The following SKP2 variants were observed in gnomAD, a reference collection of about 807,000 sequenced individuals.
SKP2 encodes the protein S-phase kinase-associated protein 2.
In SKP2, 16 loss-of-function variants were observed where a neutral mutation model predicts 51.8. That is an observed-to-expected ratio of 0.31 (90% confidence interval 0.21 to 0.47). The LOEUF (loss-of-function observed/expected upper bound fraction) is 0.47, where lower values mean the gene tolerates loss of function less well. Among genes scored for constraint, SKP2 ranks in the 20% least tolerant of loss-of-function variants. The pLI, the probability that SKP2 is intolerant of heterozygous loss-of-function variation, is 1.00. For missense variants in SKP2, 377 were observed against 505.3 expected, an observed-to-expected ratio of 0.75 and a Z score of 2.43; for synonymous variants, 176 against 198.6, an observed-to-expected ratio of 0.89 and a Z score of 0.96.
chr5:36,165,360 G>A (rs1745250739), intron 3 of SKP2, among the ~76,000 whole-genome samples: 1 of 152,116 alleles, frequency 6.6e-6, no homozygotes, highest in Non-Finnish European at 1.5e-5. Flanking sequence ...TCTGTGAGGT[G>A]TTCATCTTCC....
At chr5:36,158,665 C>T (rs990392028) in intron 2 of SKP2, among the ~76,000 whole-genome samples, 3 of 152,222 alleles carry the variant, frequency 2.0e-5, no homozygotes, top group Non-Finnish European at 4.4e-5. Flanking sequence ...TTAATTCTCA[C>T]CTTTTCAAAA....
chr5:36,176,951 T>C lies in SKP2; in HGVS notation c.902-14T>C. ...CATTTAATAGTGACCATCATGTTTTTTTGCTTTTCCTAGATCTCTCTACTT... is the reference window on the plus strand; with the variant it reads ...CATTTAATAGTGACCATCATGTTTTCTTGCTTTTCCTAGATCTCTCTACTT... On this transcript the variant is annotated splice_polypyrimidine_tract_variant and intron_variant, in intron 7 of 9. Coordinates refer to ENST00000274255, the MANE Select transcript of SKP2 (RefSeq NM_005983.4). 2 of 1,557,250 alleles carry C rather than the reference T, an allele frequency of 1.3e-6. No individual in the cohort carries two copies. The highest frequency in any genetic ancestry group is 1.8e-6 in the Non-Finnish European group (2 of 1,136,722).
intron 4 of SKP2, 63 bp downstream of exon 4, chr5:36,166,725 C>CTTTTTTTTTTTTTTTTTTTTT (rs3086385): frequency 1.2e-6 from 1 of 861,572 alleles, no homozygotes; most frequent in Non-Finnish European, 1.7e-6. Context: ...CAGATCAAAG[C>CTTTTTTTTTTTTTTTTTTTTT]TTTTTTTTTT....
chr5:36,179,573 G>A (rs1745739345), intron 9 of SKP2, among the ~76,000 whole-genome samples: 1 of 152,058 alleles, frequency 6.6e-6, no homozygotes, highest in Non-Finnish European at 1.5e-5. Context: ...AACCCAAGCT[G>A]GAGGTAGTAA....
chr5:36,190,112 A>C (rs1414693208), intron 6 of SKP2, among the ~76,000 whole-genome samples: 1 of 152,134 alleles, frequency 6.6e-6, no homozygotes, highest in African/African-American at 2.4e-5. Context: ...TCCAGGTGCC[A>C]TCTCTCACAG....
At chr5:36,155,135 C>G (rs1198330618) in intron 2 of SKP2, 1 of 152,156 alleles carries the variant, frequency 6.6e-6, no homozygotes, top group Non-Finnish European at 1.5e-5. Flanking sequence ...GCTTTGGCAG[C>G]ACATATACTG....
chr5:36,188,704 T>C (rs1745978555), downstream of SKP2, among the ~76,000 whole-genome samples: 1 of 152,322 alleles, frequency 6.6e-6, no homozygotes, highest in Admixed American at 6.5e-5. Flanking sequence ...GACAATTATG[T>C]GCCTTCGGGT....
intron 2 of SKP2, among the ~76,000 whole-genome samples, chr5:36,153,599 C>T (rs1744833119): frequency 6.6e-6 from 1 of 152,126 alleles, no homozygotes; most frequent in Admixed American, 6.5e-5. Context: ...GAGAGTCAGT[C>T]AGCTTCCCAC....
chr5:36,179,629 G>C (rs1323877046), intron 9 of SKP2, among the ~76,000 whole-genome samples: 1 of 152,120 alleles, frequency 6.6e-6, no homozygotes, highest in African/African-American at 2.4e-5. Context: ...AGGAGCATTT[G>C]TAGTTGAGGC....
intron 3 of SKP2, 51 bp from the exon 4 acceptor site, chr5:36,166,468 C>CCAGCATTTA: frequency 6.4e-7 from 1 of 1,559,344 alleles, no homozygotes; most frequent in Non-Finnish European, 8.8e-7. Context: ...TTGAGGGCTT[C>CCAGCATTTA]CAGCATTTAG....
intron 2 of SKP2, among the ~76,000 whole-genome samples, chr5:36,161,292 TAAAAA>T (rs5867306): frequency 2.1e-5 from 3 of 140,856 alleles, no homozygotes; most frequent in Admixed American, 1.4e-4. Context: ...CAAAAATTGT[TAAAAA>T]AAAAAAAAAA....
chr5:36,180,934 G>A (rs534090651), intron 9 of SKP2, among the ~76,000 whole-genome samples: 1 of 152,254 alleles, frequency 6.6e-6, no homozygotes, highest in South Asian at 2.1e-4. Context: ...CCAACCTTGA[G>A]CAAACAGAGA....
chr5:36,175,930 A>G (rs1745618549), intron 7 of SKP2, among the ~76,000 whole-genome samples: 2 of 151,974 alleles, frequency 1.3e-5, no homozygotes, highest in African/African-American at 4.8e-5. Context: ...AGTAAACTGT[A>G]TAATTCTCTG....
At chr5:36,190,187 C>T (rs1745994277) in intron 6 of SKP2, among the ~76,000 whole-genome samples, 1 of 152,002 alleles carries the variant, frequency 6.6e-6, no homozygotes, top group Non-Finnish European at 1.5e-5. Flanking sequence ...CGATGCCTCA[C>T]CCTGCTTCAG....
At chr5:36,190,683 C>CAAAAAAAAAAAAAAAAAAAA (rs70973094) in intron 6 of SKP2, among the ~76,000 whole-genome samples, 7 of 81,182 alleles carry the variant, frequency 8.6e-5, no homozygotes, top group African/African-American at 3.2e-4. Flanking sequence ...CAAACATATG[C>CAAAAAAAAAAAAAAAAAAAA]AAAAAAAAAA....
chr5:36,165,637 A>G (rs949129409), intron 3 of SKP2, among the ~76,000 whole-genome samples: 2 of 152,142 alleles, frequency 1.3e-5, no homozygotes, highest in Admixed American at 1.3e-4. Flanking sequence ...TTAATGATAG[A>G]TTTGTCACAC....
chr5:36,186,536 GC>G (rs1438362862), downstream of SKP2, among the ~76,000 whole-genome samples: 1 of 152,142 alleles, frequency 6.6e-6, no homozygotes, highest in African/African-American at 2.4e-5. Flanking sequence ...CTGTTTATAT[GC>G]TGGATTACAT....
chr5:36,162,267 T>G (rs1403134863), intron 2 of SKP2, among the ~76,000 whole-genome samples: 1 of 151,292 alleles, frequency 6.6e-6, no homozygotes, highest in Non-Finnish European at 1.5e-5. Flanking sequence ...ACCTCTGCGC[T>G]CTACACTGGC....
intron 6 of SKP2, 92 bp from the exon 7 acceptor site, chr5:36,171,511 C>A (rs2111988162): frequency 1.7e-6 from 2 of 1,152,720 alleles, no homozygotes; most frequent in South Asian, 1.4e-5. Flanking sequence ...ATAAGGAATC[C>A]ATGGTTTTAT....
Sources: gnomAD v4.1 joint callset for allele counts (sites outside exome capture counted in the v4.1 genomes callset) on GRCh38, gnomAD v4.1.1 for gene constraint, MANE v1.5 for transcripts, NCBI Gene and HGNC (gene_info 2026-07-23, HGNC 2026-07-21) for gene names.